The following RAG2 variants were observed in gnomAD, a reference collection of about 807,000 sequenced individuals.
RAG2 encodes V(D)J recombination-activating protein 2.
In RAG2, 16 loss-of-function variants were observed where a neutral mutation model predicts 31.8. The observed-to-expected ratio is 0.50, with a 90% CI of 0.34 to 0.76. The LOEUF is 0.76. Ranked by LOEUF, RAG2 falls within the 30% of genes least tolerant of loss-of-function variation. RAG2 has a pLI of 0.01. For missense variants in RAG2, 622 were observed against 628.5 expected (o/e 0.99, Z 0.11); for synonymous variants, 199 against 215.9 (o/e 0.92, Z 0.68).
chr11:36,592,549 A>T lies in RAG2; in HGVS notation c.*36T>A. On this transcript the variant is annotated 3_prime_UTR_variant, in exon 2 of 2. Transcript: ENST00000311485. Reference sequence around the variant, plus strand: ...TATGATTTTAAAAATAGATTCAAAAATTCCATACACCTGAATCTGAAAGGC... The same window carrying T: ...TATGATTTTAAAAATAGATTCAAAATTTCCATACACCTGAATCTGAAAGGC... 6.2e-7 allele frequency: 1 copy of T among 1,605,630 alleles called. No individual in the cohort carries two copies. The highest frequency in any genetic ancestry group is 8.5e-7 in the Non-Finnish European group (1 of 1,175,484).
intron 1 of RAG2, 41 bp from the exon 2 acceptor site, chr11:36,594,236 A>T (rs753715989): frequency 5.6e-5 from 70 of 1,254,614 alleles, no homozygotes; most frequent in Non-Finnish European, 7.7e-5. Context: ...AGATCGCTTC[A>T]TATAATCATC....
Position 36,592,904 on chromosome 11 carries a change from G to A in RAG2, c.1265C>T (p.Thr422Ile), listed in dbSNP as rs1416750586. 1.2e-6 allele frequency: 2 copies of A among 1,614,042 alleles called. No individual in the cohort carries two copies. The highest frequency in any genetic ancestry group is 1.1e-5 in the South Asian group (1 of 91,084). The change falls in exon 2 of 2, where the codon ACT becomes ATT. Residue 422 changes from threonine to isoleucine, a missense_variant. Coordinates refer to ENST00000311485, the MANE Select transcript of RAG2 (RefSeq NM_000536.4). ...ETGYWITCCP[T>I]CDVDINTWVP... Reference sequence around the variant, plus strand: ...CCAAGTGTTGATATCCACATCACAAGTAGGGCAGCATGTAATCCAGTAGCC... The same window carrying A: ...CCAAGTGTTGATATCCACATCACAAATAGGGCAGCATGTAATCCAGTAGCC...
At position 36,592,448 on chromosome 11, in the gene RAG2, C is replaced by T; in HGVS notation, c.*137G>A. 1 of 1,125,186 alleles carries T rather than the reference C, an allele frequency of 8.9e-7. No individual in the cohort carries two copies. Among genetic ancestry groups the T allele is most frequent in the South Asian group, 1.6e-5 (1 of 62,942 alleles). 69.7% of individuals were successfully genotyped at this position (1,125,186 alleles called of 1,614,324 possible). A position where few individuals can be genotyped will look rare whatever the true frequency, so the allele number is the denominator to read the frequency against. On this transcript the variant is annotated 3_prime_UTR_variant, in exon 2 of 2. Transcript: ENST00000311485. ...ATCATTGCATTATAAACACTTTTTTCTGGCCCTTAATTCATGTAACTAAAA... is the reference window on the plus strand; with the variant it reads ...ATCATTGCATTATAAACACTTTTTTTTGGCCCTTAATTCATGTAACTAAAA...
chr11:36,591,278 A>G (rs763654451), downstream of RAG2, among the ~76,000 whole-genome samples: 1 of 152,174 alleles, frequency 6.6e-6, no homozygotes, highest in Non-Finnish European at 1.5e-5. Flanking sequence ...CCAGCGTTTC[A>G]TCTCTTGCAT....
At chr11:36,597,331 C>G (rs1565000273) in intron 1 of RAG2, among the ~76,000 whole-genome samples, 1 of 152,128 alleles carries the variant, frequency 6.6e-6, no homozygotes, top group African/African-American at 2.4e-5. Flanking sequence ...TATACTATAT[C>G]TAAAATAACC....
Position 36,593,745 on chromosome 11 carries a change from T to C in RAG2, c.424A>G (p.Ile142Val), listed in dbSNP as rs2133314913. Residue 142 changes from isoleucine (I) to valine (V), a missense_variant, in exon 2 of 2, where the codon ATT becomes GTT. Transcript: ENST00000311485. ...TTCCCTCGGCTGTACACCACATTAA[T>C]GGAATGACCATATCTGGCTTCAGGA... ...DVPEARYGHS[I>V]NVVYSRGKSM... 6.2e-7 allele frequency: 1 copy of C among 1,614,230 alleles called. No homozygotes were observed. Among genetic ancestry groups the C allele is most frequent in the Non-Finnish European group, 8.5e-7 (1 of 1,180,040 alleles).
At position 36,591,994 on chromosome 11, in the gene RAG2, T is replaced by A. The variant is rs1215423326; in HGVS notation, c.*591A>T. 1 of 153,186 alleles carries A rather than the reference T, an allele frequency of 6.5e-6. No individual in the cohort carries two copies. The highest frequency in any genetic ancestry group is 2.4e-5 in the African/African-American group (1 of 41,458). 9.5% of individuals were successfully genotyped at this position (153,186 alleles called of 1,614,324 possible). A position where few individuals can be genotyped will look rare whatever the true frequency, so the allele number is the denominator to read the frequency against. On this transcript the variant is annotated 3_prime_UTR_variant, in exon 2 of 2. Transcript: ENST00000311485. ...TTGTGTCAGTGGAGAACATTATCTA[T>A]CTATATGTATACATATATTTATATT... is the stretch of plus-strand genomic sequence containing the variant.
At chr11:36,597,135 T>G (rs1321860792) in intron 1 of RAG2, among the ~76,000 whole-genome samples, 3 of 152,234 alleles carry the variant, frequency 2.0e-5, no homozygotes, top group Admixed American at 2.0e-4. Context: ...AGATGATGTA[T>G]GCATTTAAAG....
In RAG2 at chr11:36,593,446, G is replaced by T. The variant is rs1436212234; in HGVS notation, c.723C>A (p.Pro241=). 1 of 1,613,932 alleles carries T rather than the reference G, an allele frequency of 6.2e-7. No individual in the cohort carries two copies. The highest frequency in any genetic ancestry group is 8.5e-7 in the Non-Finnish European group (1 of 1,180,038). The change falls in exon 2 of 2, where the codon CCC becomes CCA. Residue 241 remains proline (P), a synonymous_variant. Coordinates refer to ENST00000311485, the MANE Select transcript of RAG2 (RefSeq NM_000536.4). ...ANLYRIRVDL[P]LGSPAVNCTV... ...TGCAATTCACAGCTGGGCTACCCAG[G>T]GGAAGATCAACCCTTATTCTGTACA...
chr11:36,591,598 TAC>T (rs3084298), downstream of RAG2, among the ~76,000 whole-genome samples: 25,806 of 148,636 alleles, frequency 0.17, 2,830 homozygotes, highest in East Asian at 0.55. Context: ...ACATGTTAAC[TAC>T]ACACACACAC....
Position 36,592,114 on chromosome 11 carries a change from T to C in RAG2, c.*471A>G, listed in dbSNP as rs930477896. 1.0e-5 allele frequency: 2 copies of C among 197,260 alleles called. No individual in the cohort carries two copies. The highest frequency in any genetic ancestry group is 2.4e-5 in the African/African-American group (1 of 41,742). 12.2% of individuals were successfully genotyped at this position (197,260 alleles called of 1,614,324 possible). The stretch of plus-strand genomic sequence containing the variant: ...GTATATAAAGAACACTAATGTGGGA[T>C]GTAGTAGATCTTGCTTTTAAGTTTT... On this transcript the variant is annotated 3_prime_UTR_variant, in exon 2 of 2. Coordinates refer to ENST00000311485, the MANE Select transcript of RAG2 (RefSeq NM_000536.4).
chr11:36,591,933 C>T (rs1400768154), downstream of RAG2: 1 of 152,194 alleles, frequency 6.6e-6, no homozygotes, highest in Non-Finnish European at 1.5e-5. Context: ...TTCAGGAAAA[C>T]ATGTCAAACT....
rs200473984 is a variant in RAG2, at chr11:36,592,972, A to C, written c.1197T>G (p.Phe399Leu). Reference protein sequence around the residue: ...EANSFDGDDEFDTYNEDDEED... With the variant: ...EANSFDGDDELDTYNEDDEED... Reference sequence around the variant, plus strand: ...CTTCATCATCTTCATTATAGGTGTCAAATTCATCATCACCATCAAAACTAT... The same window carrying C: ...CTTCATCATCTTCATTATAGGTGTCCAATTCATCATCACCATCAAAACTAT... The change falls in exon 2 of 2, where the codon TTT (phenylalanine) becomes TTG (leucine). Residue 399 changes from phenylalanine (F) to leucine (L), a missense_variant. Physicochemically the swap from Phe to Leu is conservative, Grantham distance 22. Transcript: ENST00000311485. 1 of 1,614,158 alleles carries C rather than the reference A, an allele frequency of 6.2e-7. No homozygotes were observed. Among genetic ancestry groups the C allele is most frequent in the African/African-American group, 1.3e-5 (1 of 75,042 alleles).
At chr11:36,591,015 T>A (rs1184177904), downstream of RAG2, among the ~76,000 whole-genome samples, 2 of 152,050 alleles carry the variant, frequency 1.3e-5, no homozygotes, top group African/African-American at 4.8e-5. Flanking sequence ...CCTGAAAAAA[T>A]TAGTTTAATT....
At position 36,594,079 on chromosome 11, in the gene RAG2, G is replaced by A; in HGVS notation, c.90C>T (p.Phe30=). The A allele has an allele frequency of 1.2e-6, 2 of 1,614,038 alleles. No individual in the cohort carries two copies. The highest frequency in any genetic ancestry group is 1.7e-6 in the Non-Finnish European group (2 of 1,179,968). The change falls in exon 2 of 2, where the codon TTC becomes TTT. Residue 30 remains phenylalanine (F), a synonymous_variant. Coordinates refer to ENST00000311485, the MANE Select transcript of RAG2 (RefSeq NM_000536.4). ...TTTTGGGCCAGCCTTTTTGTCCAAA[G>A]AAGAAAACTTGTCCATCAAAATTCA... ...SLMNFDGQVF[F]FGQKGWPKRS...
At chr11:36,595,450 C>A (rs2133322960) in intron 1 of RAG2, among the ~76,000 whole-genome samples, 1 of 152,222 alleles carries the variant, frequency 6.6e-6, no homozygotes, top group South Asian at 2.1e-4. Context: ...TCCTGTGCAC[C>A]AAATGTTAAA....
Position 36,592,625 on chromosome 11 carries a change from G to T in RAG2, c.1544C>A (p.Thr515Asn), listed in dbSNP as rs1017593785. The stretch of plus-strand genomic sequence containing the variant: ...TCTAAGAAAGGATTTCTTGGCAGGA[G>T]TCAAGATTTTTCCAGAACCTTTTTT... ...LRKKGSGKIL[T>N]PAKKSFLRRL... Residue 515 changes from threonine to asparagine, a missense_variant, in exon 2 of 2, where the codon ACT becomes AAT. Coordinates refer to ENST00000311485, the MANE Select transcript of RAG2 (RefSeq NM_000536.4). 1 of 1,614,060 alleles carries T rather than the reference G, an allele frequency of 6.2e-7. No individual in the cohort carries two copies. Among genetic ancestry groups the T allele is most frequent in the Admixed American group, 1.7e-5 (1 of 60,008 alleles).
chr11:36,597,571 A>G (rs1851321645), intron 1 of RAG2: 1 of 152,164 alleles, frequency 6.6e-6, no homozygotes, highest in South Asian at 2.1e-4. Flanking sequence ...AGTTGAGTAT[A>G]ATGAAAGGAC....
downstream of RAG2, among the ~76,000 whole-genome samples, chr11:36,591,130 A>T (rs1851016390): frequency 6.6e-6 from 1 of 152,204 alleles, no homozygotes; most frequent in Non-Finnish European, 1.5e-5. Context: ...ACAACAAAAG[A>T]TCAAATCAAT....
Sources: gnomAD v4.1 joint callset for allele counts (sites outside exome capture counted in the v4.1 genomes callset) on GRCh38, gnomAD v4.1.1 for gene constraint, MANE v1.5 for transcripts, NCBI Gene and HGNC (gene_info 2026-07-23, HGNC 2026-07-21) for gene names.